Variants in RABGAP1L observed in about 807,000 individuals in gnomAD.
RABGAP1L encodes rab GTPase-activating protein 1-like.
A neutral mutation model predicts 137.7 loss-of-function variants in RABGAP1L; 63 were observed. That is an observed-to-expected ratio of 0.46 (90% confidence interval 0.37 to 0.56). The LOEUF is 0.56. Among genes scored for constraint, RABGAP1L ranks in the 20% least tolerant of loss-of-function variants. The pLI is 0.00. For synonymous variants in RABGAP1L, 431 were observed against 433.7 expected (o/e 0.99, Z 0.08); for missense variants, 1,095 against 1,244.0 (o/e 0.88, Z 1.80).
intron 13 of RABGAP1L, among the ~76,000 whole-genome samples, chr1:174,567,714 G>A (rs3920486): frequency 0.35 from 53,664 of 152,004 alleles, 12,130 homozygotes; most frequent in African/African-American, 0.64. Context: ...TGAGAGCTTC[G>A]TAGTAGAGAT....
intron 19 of RABGAP1L, among the ~76,000 whole-genome samples, chr1:174,899,739 T>A (rs1168609834): frequency 6.6e-6 from 1 of 152,208 alleles, no homozygotes; most frequent in Non-Finnish European, 1.5e-5. Flanking sequence ...CTATGTCTAT[T>A]TTTTTGAAAT....
chr1:174,525,891 G>A (rs938265454), intron 13 of RABGAP1L, among the ~76,000 whole-genome samples: 5 of 152,030 alleles, frequency 3.3e-5, no homozygotes, highest in Non-Finnish European at 5.9e-5. Flanking sequence ...TGAAATGATC[G>A]TATGGTTTTT....
chr1:174,371,633 T>G (rs1243134293), intron 12 of RABGAP1L, among the ~76,000 whole-genome samples: 9 of 152,126 alleles, frequency 5.9e-5, no homozygotes, highest in Admixed American at 5.9e-4. Context: ...ATGATACATT[T>G]TTTAAAATGG....
chr1:174,621,582 G>T (rs920152883), intron 13 of RABGAP1L, among the ~76,000 whole-genome samples: 1 of 152,140 alleles, frequency 6.6e-6, no homozygotes, highest in East Asian at 1.9e-4. Context: ...TGACAAACCT[G>T]AGAAAAACAA....
At chr1:174,265,984 G>T (rs1674037235) in intron 7 of RABGAP1L, among the ~76,000 whole-genome samples, 1 of 152,080 alleles carries the variant, frequency 6.6e-6, no homozygotes, top group South Asian at 2.1e-4. Flanking sequence ...CAGATAGATA[G>T]ATAAAACGAT....
At chr1:174,468,560 T>C (rs945781418) in intron 13 of RABGAP1L, among the ~76,000 whole-genome samples, 4 of 152,206 alleles carry the variant, frequency 2.6e-5, no homozygotes, top group Admixed American at 2.6e-4. Flanking sequence ...ACACTTTCCA[T>C]ATGACAGCGT....
chr1:174,274,525 C>T (rs1278403903), intron 8 of RABGAP1L, among the ~76,000 whole-genome samples: 1 of 151,714 alleles, frequency 6.6e-6, no homozygotes. Flanking sequence ...TTTATAAGTA[C>T]GGTGTATTCT....
chr1:174,392,286 G>A (rs1364878416), intron 12 of RABGAP1L, among the ~76,000 whole-genome samples: 1 of 152,104 alleles, frequency 6.6e-6, no homozygotes, highest in Admixed American at 6.5e-5. Flanking sequence ...ATATTTTGGA[G>A]TATGTTCTTC....
At chr1:174,350,099 A>G (rs1187505253) in intron 11 of RABGAP1L, among the ~76,000 whole-genome samples, 2 of 108,012 alleles carry the variant, frequency 1.9e-5, no homozygotes, top group African/African-American at 7.4e-5. Flanking sequence ...TGACCCCCCC[A>G]CCTCCCTCCC....
chr1:174,859,074 G>A (rs1424605503), intron 19 of RABGAP1L, among the ~76,000 whole-genome samples: 1 of 152,096 alleles, frequency 6.6e-6, no homozygotes, highest in Non-Finnish European at 1.5e-5. Flanking sequence ...ATAACAAAAG[G>A]AATATAAATC....
At chr1:174,598,978 T>C (rs918495067) in intron 13 of RABGAP1L, among the ~76,000 whole-genome samples, 4 of 151,990 alleles carry the variant, frequency 2.6e-5, no homozygotes, top group African/African-American at 7.2e-5. Flanking sequence ...TTATGATCTT[T>C]CTCCCTCCCT....
intron 14 of RABGAP1L, among the ~76,000 whole-genome samples, chr1:174,645,072 TACAC>T (rs754855663): frequency 1.4e-4 from 22 of 152,174 alleles, no homozygotes; most frequent in Non-Finnish European, 2.6e-4. Flanking sequence ...ATGCTCTTGT[TACAC>T]AAACAAAAAA....
intron 24 of RABGAP1L, among the ~76,000 whole-genome samples, chr1:174,988,401 C>T (rs898217013): frequency 2.6e-5 from 4 of 152,046 alleles, no homozygotes; most frequent in African/African-American, 7.2e-5. Context: ...CAAAGAGATG[C>T]TACAATACCT....
At chr1:174,630,235 A>T (rs1673247117) in intron 13 of RABGAP1L, among the ~76,000 whole-genome samples, 1 of 141,748 alleles carries the variant, frequency 7.1e-6, no homozygotes, top group South Asian at 2.4e-4. Flanking sequence ...CATCCCAGGG[A>T]TGAAGCCCAC....
intron 16 of RABGAP1L, among the ~76,000 whole-genome samples, chr1:174,701,761 A>T (rs988910072): frequency 1.3e-5 from 2 of 149,448 alleles, no homozygotes; most frequent in African/African-American, 5.1e-5. Context: ...AAAAAAAAAA[A>T]TTTAACCCTG....
At chr1:174,563,590 A>G (rs1667368665) in intron 13 of RABGAP1L, among the ~76,000 whole-genome samples, 1 of 152,212 alleles carries the variant, frequency 6.6e-6, no homozygotes. Flanking sequence ...AACACTAATT[A>G]TTACTGTGAT....
chr1:174,520,219 T>C (rs908254355), intron 13 of RABGAP1L, among the ~76,000 whole-genome samples: 1 of 152,220 alleles, frequency 6.6e-6, no homozygotes, highest in African/African-American at 2.4e-5. Flanking sequence ...TCCTCAGGAC[T>C]CTGAGAGCAA....
chr1:174,819,187 TA>T (rs71299431), intron 19 of RABGAP1L, among the ~76,000 whole-genome samples: 2,179 of 44,800 alleles, frequency 0.049, 55 homozygotes, highest in African/African-American at 0.17. Context: ...TGCCTGTCTC[TA>T]AAAAAAAAAA....
At chr1:174,496,393 G>A (rs924515967) in intron 13 of RABGAP1L, among the ~76,000 whole-genome samples, 1 of 152,168 alleles carries the variant, frequency 6.6e-6, no homozygotes, top group Non-Finnish European at 1.5e-5. Flanking sequence ...TTAGGTTCTG[G>A]AGAGAATCTG....
Sources: gnomAD v4.1 joint callset for allele counts (sites outside exome capture counted in the v4.1 genomes callset) on GRCh38, gnomAD v4.1.1 for gene constraint, MANE v1.5 for transcripts, NCBI Gene and HGNC (gene_info 2026-07-23, HGNC 2026-07-21) for gene names.